The following NBEA variants were observed in gnomAD, a reference collection of about 807,000 sequenced individuals.
NBEA encodes the protein lysosomal-trafficking regulator 2.
In NBEA, 44 loss-of-function variants were observed where a neutral mutation model predicts 343.4. That is an observed-to-expected ratio of 0.13 (90% confidence interval 0.10 to 0.16). The LOEUF is 0.16. Ranked by LOEUF, NBEA falls within the 10% of genes least tolerant of loss-of-function variation. The probability of loss-of-function intolerance (pLI) is 1.00; values close to 1 mark genes in which losing one functional copy is unlikely to be tolerated. For synonymous variants in NBEA, 1,175 were observed against 1,238.7 expected, an observed-to-expected ratio of 0.95 and a Z score of 1.08; for missense variants, 2,555 against 3,631.3, an observed-to-expected ratio of 0.70 and a Z score of 7.62.
chr13:35,661,584 G>A (rs1408564990), intron 55 of NBEA, among the ~76,000 whole-genome samples: 3 of 152,116 alleles, frequency 2.0e-5, no homozygotes, highest in Admixed American at 1.3e-4. Context: ...AAGTGTATTT[G>A]ATACTTGGAA....
chr13:35,323,089 A>T (rs940345992), intron 36 of NBEA, among the ~76,000 whole-genome samples: 2 of 152,090 alleles, frequency 1.3e-5, no homozygotes, highest in Admixed American at 6.5e-5. Flanking sequence ...AAATTAAGTG[A>T]TCCACCTGCC....
intron 30 of NBEA, among the ~76,000 whole-genome samples, chr13:35,184,991 T>G (rs1210494428): frequency 1.3e-5 from 2 of 152,130 alleles, no homozygotes; most frequent in African/African-American, 4.8e-5. Context: ...AAATGGTGAT[T>G]ATCCAGGTGG....
chr13:35,646,152 G>T, intron 50 of NBEA, 107 bp from the exon 51 acceptor site: 2 of 898,344 alleles, frequency 2.2e-6, no homozygotes, highest in Admixed American at 4.7e-5. Flanking sequence ...GAATTTTCTG[G>T]ACTTTTTTTC....
Position 35,606,415 on chromosome 13 carries a change from A to C in NBEA, c.7297-11A>C. ...AAGTGGTTTAATATGCTTCATTTTT[A>C]TTCCTGATAGGAACTAATTCCAGAG... is the stretch of plus-strand genomic sequence containing the variant. On this transcript the variant is annotated splice_polypyrimidine_tract_variant and intron_variant, in intron 47 of 58. Transcript: ENST00000379939. 7.1e-7 allele frequency: 1 copy of C among 1,414,984 alleles called. No homozygotes were observed. 87.7% of individuals were successfully genotyped at this position (1,414,984 alleles called of 1,614,324 possible).
intron 34 of NBEA, among the ~76,000 whole-genome samples, chr13:35,283,731 A>C (rs1341213039): frequency 6.6e-6 from 1 of 152,178 alleles, no homozygotes; most frequent in Non-Finnish European, 1.5e-5. Context: ...CAATAAATAG[A>C]ATAACAAATT....
intron 34 of NBEA, among the ~76,000 whole-genome samples, chr13:35,275,745 C>T (rs2034536846): frequency 6.6e-6 from 1 of 152,080 alleles, no homozygotes; most frequent in Non-Finnish European, 1.5e-5. Context: ...CCAACGGACA[C>T]ATGAAAAAAT....
At position 35,649,804 on chromosome 13, in the gene NBEA, T is replaced by G. The variant is rs2084426527; in HGVS notation, c.7920T>G (p.Thr2640=). 1 of 1,613,954 alleles carries G rather than the reference T, an allele frequency of 6.2e-7. No homozygotes were observed. The highest frequency in any genetic ancestry group is 1.3e-5 in the African/African-American group (1 of 74,946). The change falls in exon 52 of 59, where the codon ACT becomes ACG. Residue 2640 remains threonine, a synonymous_variant. Transcript: ENST00000379939. The part of the protein sequence containing the change: ...HLTIPAVVTV[T]CSRLFAVNRW... Reference sequence around the variant, plus strand: ...CCATCCCCGCAGTGGTGACAGTGACTTGCAGCCGACTCTTTGCAGTGAATA... The same window carrying G: ...CCATCCCCGCAGTGGTGACAGTGACGTGCAGCCGACTCTTTGCAGTGAATA...
At chr13:35,527,987 AC>A (rs2152996632) in intron 41 of NBEA, among the ~76,000 whole-genome samples, 1 of 152,228 alleles carries the variant, frequency 6.6e-6, no homozygotes, top group East Asian at 1.9e-4. Context: ...ACAAAGCAAG[AC>A]CCTGTCTCAA....
chr13:35,277,170 C>A (rs1757821215), intron 34 of NBEA, among the ~76,000 whole-genome samples: 1 of 151,958 alleles, frequency 6.6e-6, no homozygotes, highest in South Asian at 2.1e-4. Flanking sequence ...CAACTATATT[C>A]TTAAAACAAA....
intron 34 of NBEA, among the ~76,000 whole-genome samples, chr13:35,261,229 TG>T (rs1486334697): frequency 6.6e-6 from 1 of 152,156 alleles, no homozygotes; most frequent in Non-Finnish European, 1.5e-5. Flanking sequence ...AAGTAAAATA[TG>T]GGCCAAGTGC....
rs2071507242 is a variant in NBEA, at chr13:35,184,031, G to C, written c.4887G>C (p.Lys1629Asn). ...GTTTGAACCATGGATTCCTTGCCAAGTTAATTCCTGAGCAGAGCTTTGGCC... is the reference window on the plus strand; with the variant it reads ...GTTTGAACCATGGATTCCTTGCCAACTTAATTCCTGAGCAGAGCTTTGGCC... ...HPSLNHGFLA[K>N]LIPEQSFGHS... is the part of the protein sequence containing the mutation. Residue 1629 changes from lysine to asparagine, a missense_variant, in exon 30 of 59, where the codon AAG (lysine) becomes AAC (asparagine). Around this residue, in one of 21 missense-constraint regions of NBEA, gnomAD observed 270 missense variants for 293.3 expected, o/e 0.92. Coordinates refer to ENST00000379939, the MANE Select transcript of NBEA (RefSeq NM_001385012.1). The C allele has an allele frequency of 6.2e-7, 1 of 1,611,832 alleles. No individual in the cohort carries two copies. The highest frequency in any genetic ancestry group is 1.1e-5 in the South Asian group (1 of 90,970).
chr13:35,299,884 C>T (rs756560297), intron 35 of NBEA, among the ~76,000 whole-genome samples: 2 of 152,036 alleles, frequency 1.3e-5, no homozygotes, highest in Non-Finnish European at 2.9e-5. Flanking sequence ...ATCTGTGTGC[C>T]TTGTTTTAAG....
intron 53 of NBEA, among the ~76,000 whole-genome samples, chr13:35,654,576 A>G (rs528532277): frequency 1.3e-5 from 2 of 152,354 alleles, no homozygotes; most frequent in Non-Finnish European, 2.9e-5. Flanking sequence ...AAAATATTGT[A>G]TTATGTTTTA....
At chr13:35,273,446 A>G (rs1302755678) in intron 34 of NBEA, among the ~76,000 whole-genome samples, 2 of 152,220 alleles carry the variant, frequency 1.3e-5, no homozygotes, top group Non-Finnish European at 2.9e-5. Context: ...TCACAATTAA[A>G]AGAACTAGAG....
intron 36 of NBEA, 127 bp downstream of exon 36, chr13:35,309,719 C>A (rs2037227791): frequency 1.7e-6 from 1 of 571,634 alleles, no homozygotes; most frequent in South Asian, 2.5e-5. Context: ...ATTTATCACA[C>A]AGGTACTTAA....
Position 35,171,403 on chromosome 13 carries a change from T to C in NBEA, c.4374T>C (p.Ala1458=), listed in dbSNP as rs780724204. ...CTCTAAATTTTAGTGAGATTGAAGC[T>C]GAGAAAAACATGTCTTCTGGAGGTT... The part of the protein sequence containing the change: ...ASSLNFSEIE[A]EKNMSSGGLM... Residue 1458 remains alanine, a synonymous_variant, in exon 26 of 59, where the codon GCT becomes GCC. Coordinates refer to ENST00000379939, the MANE Select transcript of NBEA (RefSeq NM_001385012.1). 3 of 1,611,964 alleles carry C rather than the reference T, an allele frequency of 1.9e-6. No homozygotes were observed. Among genetic ancestry groups the C allele is most frequent in the South Asian group, 2.2e-5 (2 of 90,918 alleles).
chr13:35,429,224 G>A (rs955721654), intron 38 of NBEA, among the ~76,000 whole-genome samples: 1 of 152,180 alleles, frequency 6.6e-6, no homozygotes, highest in Non-Finnish European at 1.5e-5. Flanking sequence ...AGTCCTGGCT[G>A]TCGACTTGGT....
intron 46 of NBEA, among the ~76,000 whole-genome samples, chr13:35,592,426 C>G (rs1194808647): frequency 6.6e-6 from 1 of 152,064 alleles, no homozygotes; most frequent in African/African-American, 2.4e-5. Context: ...CAATTAAAAC[C>G]AGTGTGATAA....
At chr13:35,074,988 A>G (rs1443680984) in intron 10 of NBEA, among the ~76,000 whole-genome samples, 1 of 152,100 alleles carries the variant, frequency 6.6e-6, no homozygotes, top group Admixed American at 6.6e-5. Context: ...CTTTTCCCTG[A>G]TAGCCACTGT....
Sources: allele counts gnomAD v4.1 joint callset (sites outside exome capture counted in the v4.1 genomes callset), GRCh38; gene constraint gnomAD v4.1.1; regional missense constraint gnomAD v4.1.1; transcripts MANE v1.5; gene names NCBI Gene and HGNC (gene_info 2026-07-23, HGNC 2026-07-21).